The following FREM1 variants were observed in gnomAD, a reference collection of about 807,000 sequenced individuals.
FREM1 encodes the protein FRAS1 related extracellular matrix 1.
In FREM1, 220 loss-of-function variants were observed where a neutral mutation model predicts 210.1. That is an observed-to-expected ratio of 1.05 (90% CI 0.94 to 1.17). The LOEUF is 1.17. Ranked by LOEUF, FREM1 falls within the 50% of genes most tolerant of loss-of-function variation. The pLI is 0.00. For synonymous variants in FREM1, 1,189 were observed against 980.2 expected (o/e 1.21, Z -3.98); for missense variants, 3,454 against 2,675.5 (o/e 1.29, Z -6.42).
chr9:14,795,492 A>C (rs1852204682), intron 21 of FREM1, among the ~76,000 whole-genome samples: 1 of 152,200 alleles, frequency 6.6e-6, no homozygotes, highest in South Asian at 2.1e-4. Flanking sequence ...AGAAGGAAAG[A>C]GGTGATATGC....
At chr9:14,902,111 G>A (rs1027949995) in intron 1 of FREM1, among the ~76,000 whole-genome samples, 1 of 151,946 alleles carries the variant, frequency 6.6e-6, no homozygotes, top group Non-Finnish European at 1.5e-5. Context: ...CTCCCGAAGT[G>A]CTAGGATTAC....
chr9:14,746,858 C>G lies in FREM1; in HGVS notation c.6138+65G>C, dbSNP rs528114123. The G allele has an allele frequency of 4.2e-5, 65 of 1,546,136 alleles. No homozygotes were observed. In the African/African-American group the frequency reaches 8.9e-4, roughly 21 times the overall value. On this transcript the variant is annotated intron_variant, in intron 34 of 36. Coordinates refer to ENST00000380880, the MANE Select transcript of FREM1 (RefSeq NM_001379081.2). ...TTGAGTCATGCACCAGATGGTTCCC[C>G]TCTATTAGCTTATCATAGAGCACAT...
intron 1 of FREM1, among the ~76,000 whole-genome samples, chr9:14,884,178 A>G (rs1197033295): frequency 2.0e-5 from 3 of 152,134 alleles, no homozygotes; most frequent in Non-Finnish European, 2.9e-5. Context: ...GCAGTGAGCC[A>G]AGATCGCGCC....
intron 1 of FREM1, among the ~76,000 whole-genome samples, chr9:14,897,165 T>C: frequency 6.6e-6 from 1 of 152,230 alleles, no homozygotes; most frequent in East Asian, 1.9e-4. Flanking sequence ...ATAACAATAA[T>C]AAGCATGTAT....
At chr9:14,880,327 G>A (rs931447828) in intron 1 of FREM1, among the ~76,000 whole-genome samples, 1 of 152,196 alleles carries the variant, frequency 6.6e-6, no homozygotes, top group African/African-American at 2.4e-5. Context: ...CAACAGGTCA[G>A]GTGCAGTGGC....
At chr9:14,793,901 C>T (rs1042640172) in intron 21 of FREM1, among the ~76,000 whole-genome samples, 1 of 152,168 alleles carries the variant, frequency 6.6e-6, no homozygotes, top group Non-Finnish European at 1.5e-5. Context: ...GTGACATTTG[C>T]ACACCTCTTT....
Position 14,805,072 on chromosome 9 carries a change from C to G in FREM1, c.3355G>C (p.Asp1119His), listed in dbSNP as rs753814072. The stretch of plus-strand genomic sequence containing the variant: ...TCTGTGACGTACACCGTGAACTGGT[C>G]GGCAGTTGGTTCTATCCTCAGATGC... ...SRHLRIEPTA[D>H]QFTVYVTDGK... Residue 1119 changes from aspartate to histidine, a missense_variant, in exon 19 of 37, where the codon GAC becomes CAC. Asp to His is a moderately conservative substitution (Grantham distance 81). Coordinates refer to ENST00000380880, the MANE Select transcript of FREM1 (RefSeq NM_001379081.2). The G allele has an allele frequency of 2.5e-6, 4 of 1,612,744 alleles. No individual in the cohort carries two copies. The highest frequency in any genetic ancestry group is 1.3e-5 in the African/African-American group (1 of 74,882).
chr9:14,869,594 C>T (rs1832212018), intron 1 of FREM1, among the ~76,000 whole-genome samples: 1 of 152,204 alleles, frequency 6.6e-6, no homozygotes, highest in Non-Finnish European at 1.5e-5. Context: ...CTTTGCTTCC[C>T]TTTCCTCATT....
intron 1 of FREM1, among the ~76,000 whole-genome samples, chr9:14,905,310 A>G (rs571014359): frequency 9.8e-5 from 15 of 152,338 alleles, no homozygotes; most frequent in Admixed American, 7.2e-4. Context: ...GTTTGAATGA[A>G]TATGTCCTTC....
chr9:14,836,317 T>C lies in FREM1; in HGVS notation c.1881+5130A>G, dbSNP rs1185910378. On this transcript the variant is annotated intron_variant, in intron 10 of 36. Coordinates refer to ENST00000380880, the MANE Select transcript of FREM1 (RefSeq NM_001379081.2). This position sits in a 1 kb window ranked among gnomAD's most constrained non-coding sequence, Gnocchi z 4.9. ...GTATTTTGCTTAATTATTATCCTTA[T>C]AACTGGGATAATAGTTACTGACAAA... is the stretch of plus-strand genomic sequence containing the variant. 6.6e-6 allele frequency among the ~76,000 whole-genome samples: 1 copy of C among 152,250 alleles called. No homozygotes were observed. Among genetic ancestry groups the C allele is most frequent in the Non-Finnish European group, 1.5e-5 (1 of 68,044 alleles).
chr9:14,842,124 T>C (rs1178305244), intron 9 of FREM1, among the ~76,000 whole-genome samples, 192 bp downstream of exon 9: 1 of 152,170 alleles, frequency 6.6e-6, no homozygotes, highest in African/African-American at 2.4e-5. Flanking sequence ...CTTGGACAGA[T>C]CAAATTAACT....
chr9:14,780,265 G>A (rs1307902590), intron 24 of FREM1, among the ~76,000 whole-genome samples: 4 of 151,810 alleles, frequency 2.6e-5, no homozygotes, highest in African/African-American at 9.7e-5. Context: ...TGAAATTTGG[G>A]GAATAACTCT....
In FREM1 at chr9:14,769,806, T is replaced by C. The variant is rs370617602; in HGVS notation, c.5122A>G (p.Ile1708Val). The change falls in exon 27 of 37, where the codon ATA (isoleucine) becomes GTA (valine). Residue 1708 changes from isoleucine to valine, a missense_variant. Physicochemically the swap from Ile to Val is conservative, Grantham distance 29 (BLOSUM62 3). Transcript: ENST00000380880. ...DLNSKTILYI[I>V]NPSLEVNSDT... ...GAATTTACTTCCAAAGATGGGTTTATGATGTAAAGAATAGTCTTACTGTTT... is the reference window on the plus strand; with the variant it reads ...GAATTTACTTCCAAAGATGGGTTTACGATGTAAAGAATAGTCTTACTGTTT... 8.7e-6 allele frequency: 14 copies of C among 1,609,802 alleles called. No homozygotes were observed. The highest frequency in any genetic ancestry group is 1.2e-5 in the Non-Finnish European group (14 of 1,176,752).
At chr9:14,859,100 C>T (rs1302034829) in intron 4 of FREM1, 83 bp downstream of exon 4, 1 of 1,154,774 alleles carries the variant, frequency 8.7e-7, no homozygotes, top group African/African-American at 1.5e-5. Context: ...AACTAGAACT[C>T]TTCATCATGG....
At chr9:14,791,871 C>A (rs1851400208) in intron 22 of FREM1, among the ~76,000 whole-genome samples, 3 of 151,108 alleles carry the variant, frequency 2.0e-5, no homozygotes, top group Admixed American at 6.6e-5. Context: ...CTTGCTCTGT[C>A]ACCCAGGCTG....
chr9:14,790,557 C>T (rs1851127476), intron 22 of FREM1: 1 of 152,186 alleles, frequency 6.6e-6, no homozygotes, highest in Non-Finnish European at 1.5e-5. Context: ...ATCTTTTCCT[C>T]TCTCTTGTCT....
chr9:14,887,017 G>A (rs1432081398), intron 1 of FREM1, among the ~76,000 whole-genome samples: 1 of 150,374 alleles, frequency 6.7e-6, no homozygotes, highest in South Asian at 2.1e-4. Flanking sequence ...CAAATTTAAA[G>A]TTTTAAGCAT....
At chr9:14,842,836 A>C (rs1437909453) in intron 8 of FREM1, among the ~76,000 whole-genome samples, 176 bp from the exon 9 acceptor site, 1 of 152,200 alleles carries the variant, frequency 6.6e-6, no homozygotes, top group Non-Finnish European at 1.5e-5. Flanking sequence ...AGTTTTGAAT[A>C]CTGGCTCCAA....
intron 24 of FREM1, among the ~76,000 whole-genome samples, chr9:14,781,712 C>A (rs1849666945): frequency 1.3e-5 from 2 of 151,884 alleles, no homozygotes; most frequent in South Asian, 2.1e-4. Context: ...TCTATAAATT[C>A]TTTTTTTTGA....
Sources: gnomAD v4.1 joint callset for allele counts (sites outside exome capture counted in the v4.1 genomes callset) on GRCh38, gnomAD v4.1.1 for gene constraint, Gnocchi (gnomAD v3.1) non-coding constraint, MANE v1.5 for transcripts, NCBI Gene and HGNC (gene_info 2026-07-23, HGNC 2026-07-21) for gene names.